Variants in HOMER2 observed in about 807,000 individuals in gnomAD.
HOMER2 encodes the protein homer scaffold protein 2, also known as homer protein homolog 2.
In HOMER2, 27 loss-of-function variants were observed where a neutral mutation model predicts 47.0. The observed-to-expected ratio is 0.57, with a 90% CI of 0.42 to 0.79. HOMER2 has a LOEUF of 0.79. HOMER2 is among the 30% of genes least tolerant of loss of function. HOMER2 has a pLI of 0.00. For synonymous variants in HOMER2, 161 were observed against 163.8 expected (o/e 0.98, Z 0.13); for missense variants, 443 against 435.0 (o/e 1.02, Z -0.16).
At chr15:82,952,155 G>T in intron 1 of HOMER2, 1 of 602,112 alleles carries the variant, frequency 1.7e-6, no homozygotes, top group Non-Finnish European at 2.1e-6. Context: ...CAAACGTGGA[G>T]AACGACAAAC....
chr15:82,963,700 C>T (rs768411626), intron 1 of HOMER2, among the ~76,000 whole-genome samples: 1 of 152,130 alleles, frequency 6.6e-6, no homozygotes, highest in Non-Finnish European at 1.5e-5. Context: ...GTTCCATTAG[C>T]AAAGAGGGGC....
At chr15:82,921,726 G>A (rs909838488) in intron 1 of HOMER2, among the ~76,000 whole-genome samples, 3 of 152,164 alleles carry the variant, frequency 2.0e-5, no homozygotes, top group Admixed American at 6.5e-5. Flanking sequence ...CTCTGGGGTT[G>A]TGCAGGGCAG....
chr15:82,905,774 T>G (rs1028641541), intron 1 of HOMER2, among the ~76,000 whole-genome samples: 1 of 152,192 alleles, frequency 6.6e-6, no homozygotes, highest in African/African-American at 2.4e-5. Context: ...CAAAAATGGA[T>G]GCAGTTTGTT....
At chr15:82,876,970 A>G (rs2052369709) in intron 2 of HOMER2, among the ~76,000 whole-genome samples, 2 of 152,252 alleles carry the variant, frequency 1.3e-5, no homozygotes, top group South Asian at 4.1e-4. Flanking sequence ...GAGTTTGCTG[A>G]TAAGCCACTG....
intron 2 of HOMER2, among the ~76,000 whole-genome samples, chr15:82,882,198 C>T (rs937410305): frequency 8.5e-5 from 13 of 152,134 alleles, no homozygotes; most frequent in African/African-American, 2.9e-4. Context: ...TGTCTATAAA[C>T]AGGGACAACC....
At chr15:82,952,445 G>T (rs1934241765) in intron 1 of HOMER2, 86 bp downstream of exon 1, 7 of 981,868 alleles carry the variant, frequency 7.1e-6, no homozygotes, top group Non-Finnish European at 9.1e-6. Flanking sequence ...GGCCCGCCGG[G>T]AGGCTCCGAG....
intron 1 of HOMER2, among the ~76,000 whole-genome samples, chr15:82,971,437 G>A (rs1017891846): frequency 1.3e-5 from 2 of 149,182 alleles, no homozygotes; most frequent in East Asian, 3.9e-4. Flanking sequence ...CACACACACA[G>A]ACACAGAGAA....
At chr15:82,934,771 T>C (rs560278229) in intron 1 of HOMER2, among the ~76,000 whole-genome samples, 6 of 152,340 alleles carry the variant, frequency 3.9e-5, no homozygotes, top group South Asian at 2.1e-4. Context: ...TCACTTTAAA[T>C]TCATGTTCTC....
chr15:82,931,005 G>A (rs1030307828), intron 1 of HOMER2, among the ~76,000 whole-genome samples: 5 of 151,870 alleles, frequency 3.3e-5, no homozygotes, highest in Admixed American at 3.3e-4. Context: ...TGCACACCCC[G>A]CCTATGAGAG....
At chr15:82,889,223 AC>A (rs762797597) in intron 2 of HOMER2, among the ~76,000 whole-genome samples, 26 of 152,184 alleles carry the variant, frequency 1.7e-4, no homozygotes, top group Admixed American at 7.2e-4. Flanking sequence ...AAGGCCTAAA[AC>A]AAAGTGGGGC....
chr15:82,853,249 T>A (rs1173365005), intron 6 of HOMER2, among the ~76,000 whole-genome samples: 2 of 136,336 alleles, frequency 1.5e-5, no homozygotes. Context: ...TGCGTGATGC[T>A]CTTCCTCCAC....
intron 1 of HOMER2, among the ~76,000 whole-genome samples, chr15:82,894,418 T>A (rs1252255414): frequency 6.6e-6 from 1 of 152,134 alleles, no homozygotes; most frequent in Non-Finnish European, 1.5e-5. Flanking sequence ...AAAAAAGCCA[T>A]CAACGTGTAA....
intron 1 of HOMER2, chr15:82,926,428 T>G (rs1338456949): frequency 6.6e-6 from 1 of 152,200 alleles, no homozygotes; most frequent in Non-Finnish European, 1.5e-5. Context: ...TGGCTTACAC[T>G]TGTAATCCCA....
At chr15:82,971,901 A>G (rs1311707355) in intron 1 of HOMER2, among the ~76,000 whole-genome samples, 1 of 152,182 alleles carries the variant, frequency 6.6e-6, no homozygotes, top group East Asian at 1.9e-4. Context: ...GATTTTAATC[A>G]TTAACTCCTG....
intron 1 of HOMER2, among the ~76,000 whole-genome samples, chr15:82,920,414 GCAGT>G: frequency 6.6e-6 from 1 of 152,234 alleles, no homozygotes; most frequent in South Asian, 2.1e-4. Flanking sequence ...GCAGAAATCC[GCAGT>G]CAGTTGACTG....
intron 1 of HOMER2, among the ~76,000 whole-genome samples, chr15:82,943,730 A>C (rs1178700854): frequency 6.6e-6 from 1 of 152,200 alleles, no homozygotes; most frequent in Non-Finnish European, 1.5e-5. Flanking sequence ...CGCAGAACAA[A>C]AGGAGGACTA....
intron 1 of HOMER2, among the ~76,000 whole-genome samples, chr15:82,971,415 TAC>T (rs147448090): frequency 6.2e-4 from 92 of 147,792 alleles, no homozygotes; most frequent in African/African-American, 1.0e-3. Flanking sequence ...GACAGATACA[TAC>T]ACACACACAC....
chr15:82,913,919 T>C lies in HOMER2; in HGVS notation c.6-21078A>G, dbSNP rs1270948104. 6.6e-6 allele frequency among the ~76,000 whole-genome samples: 1 copy of C among 152,118 alleles called. No homozygotes were observed. Among genetic ancestry groups the C allele is most frequent in the Non-Finnish European group, 1.5e-5 (1 of 68,016 alleles). ...TTGAAAGCAGACCCAAACAGCTACT[T>C]GTATGCCCAGGTTCAAAGCAGCATT... is the stretch of plus-strand genomic sequence containing the variant. On this transcript the variant is annotated intron_variant, in intron 1 of 8. Transcript: ENST00000450735. The surrounding 1 kb of genome is among the most constrained non-coding windows in gnomAD (Gnocchi z 4.1).
Position 82,849,902 on chromosome 15 carries a change from G to T in HOMER2, c.845C>A (p.Ala282Glu). 1.9e-6 allele frequency: 3 copies of T among 1,613,054 alleles called. No homozygotes were observed. Among genetic ancestry groups the T allele is most frequent in the Non-Finnish European group, 2.5e-6 (3 of 1,179,278 alleles). ...CAGGTTTTGATTGTCTCTCTCTGCCGCCTGGCCAAGCAAAAGGGAGAAGGG... is the reference window on the plus strand; with the variant it reads ...CAGGTTTTGATTGTCTCTCTCTGCCTCCTGGCCAAGCAAAAGGGAGAAGGG... ...ECEYVSEKLE[A>E]AERDNQNLED... The change falls in exon 9 of 9, where the codon GCG (alanine) becomes GAG (glutamate). Residue 282 changes from alanine (A) to glutamate (E), a missense_variant and splice_region_variant. Ala to Glu is a moderately radical substitution (Grantham distance 107). Transcript: ENST00000450735.
Sources: allele counts gnomAD v4.1 joint callset (sites outside exome capture counted in the v4.1 genomes callset), GRCh38; gene constraint gnomAD v4.1.1; non-coding constraint Gnocchi (gnomAD v3.1); transcripts MANE v1.5; gene names NCBI Gene and HGNC (gene_info 2026-07-23, HGNC 2026-07-21).